TRPM6: variants seen among roughly 807,000 people sequenced by gnomAD.
TRPM6 encodes transient receptor potential cation channel subfamily M member 6, also known as channel kinase 2.
A neutral mutation model predicts 247.6 loss-of-function variants in TRPM6; 111 were observed. The ratio of observed to expected loss-of-function variants is 0.45; its 90% CI spans 0.38 to 0.52. The LOEUF (loss-of-function observed/expected upper bound fraction) is 0.52, where lower values mean the gene tolerates loss of function less well. Ranked by LOEUF, TRPM6 falls within the 20% of genes least tolerant of loss-of-function variation. The pLI is 0.00. For missense variants in TRPM6, 2,126 were observed against 2,421.5 expected (o/e 0.88, Z 2.56); for synonymous variants, 892 against 853.8 (o/e 1.04, Z -0.78).
chr9:74,761,022 A>T (rs776947408), intron 27 of TRPM6, among the ~76,000 whole-genome samples: 1 of 152,138 alleles, frequency 6.6e-6, no homozygotes, highest in Non-Finnish European at 1.5e-5. Context: ...TCCACCCTGG[A>T]CTTCCCAGCC....
intron 36 of TRPM6, among the ~76,000 whole-genome samples, chr9:74,734,512 T>G (rs980688982): frequency 2.6e-5 from 4 of 152,130 alleles, no homozygotes; most frequent in African/African-American, 9.7e-5. Flanking sequence ...TCCCTTAATC[T>G]CTTTGAACCT....
chr9:74,744,472 C>G lies in TRPM6; in HGVS notation c.5084-327G>C, dbSNP rs190381036. ...AGCTGCCCATCATACTTCACGACAT[C>G]CCAGAAGCATGATTCTCTGAGCTCC... On this transcript the variant is annotated intron_variant, in intron 31 of 38. Coordinates refer to ENST00000360774, the MANE Select transcript of TRPM6 (RefSeq NM_017662.5). 1.5e-4 allele frequency among the ~76,000 whole-genome samples: 23 copies of G among 152,228 alleles called. No individual in the cohort carries two copies. In the East Asian group the frequency reaches 2.9e-3, roughly 19 times the overall value.
rs797045204 is a variant in TRPM6 at position 74,782,398 on chromosome 9, T to C, written c.3173A>G (p.Tyr1058Cys). 3.1e-6 allele frequency: 5 copies of C among 1,614,070 alleles called. No homozygotes were observed. In the South Asian group the frequency reaches 5.5e-5, roughly 18 times the overall value. The part of the protein sequence containing the change: ...FLQAVYLFVQ[Y>C]IIMVNLLIAF... ...AATCAACAGGTTCACCATGATGATA[T>C]ATTGCACGAAGAGGTAGACAGCTTG... Residue 1058 changes from tyrosine to cysteine, a missense_variant, in exon 23 of 39, where the codon TAT becomes TGT. This residue lies in a region of TRPM6 where 1,082 missense variants were observed against 1,307.9 expected (regional missense o/e 0.83). Transcript: ENST00000360774.
At chr9:74,737,317 G>T in intron 36 of TRPM6, 1 of 1,246,162 alleles carries the variant, frequency 8.0e-7, no homozygotes. Context: ...CCTTGAGCAT[G>T]TGACACAAGT....
chr9:74,887,469 G>A (rs993741203), intron 1 of TRPM6: 11 of 1,001,270 alleles, frequency 1.1e-5, no homozygotes, highest in Non-Finnish European at 1.5e-5. Flanking sequence ...CTCCGGCCCG[G>A]AGCGGAATCA....
chr9:74,839,570 A>G (rs1032902346), intron 5 of TRPM6, among the ~76,000 whole-genome samples: 9 of 152,170 alleles, frequency 5.9e-5, no homozygotes, highest in Non-Finnish European at 1.0e-4. Context: ...ATGCACTTGC[A>G]TGGATTCGAT....
chr9:74,875,237 T>A (rs754261257), intron 1 of TRPM6: 24 of 455,680 alleles, frequency 5.3e-5, no homozygotes, highest in South Asian at 3.4e-4. Context: ...CAGCAACTCT[T>A]CCCTTCCATT....
rs376705580 is a variant in TRPM6, at chr9:74,887,825, T to C, written c.32A>G (p.Gln11Arg). ...GCCAGTCGAGCAGCCTGAGCTTACC[T>C]GCAAGCGCTCCAAGACAGGTTGTTC... MKEQPVLERLQSQKSWIKGVF... is the reference protein window; with the variant it reads MKEQPVLERLRSQKSWIKGVF... The change falls in exon 1 of 39, where the codon CAG (glutamine) becomes CGG (arginine). Residue 11 changes from glutamine to arginine, a missense_variant and splice_region_variant. Coordinates refer to ENST00000360774, the MANE Select transcript of TRPM6 (RefSeq NM_017662.5). 2 of 1,614,032 alleles carry C rather than the reference T, an allele frequency of 1.2e-6. No homozygotes were observed. Among genetic ancestry groups the C allele is most frequent in the African/African-American group, 2.7e-5 (2 of 74,908 alleles).
intron 14 of TRPM6, 27 bp downstream of exon 14, chr9:74,808,007 T>C: frequency 2.5e-6 from 4 of 1,613,590 alleles, no homozygotes; most frequent in Non-Finnish European, 3.4e-6. Context: ...TTCTCAATTT[T>C]ACTTGGGCAC....
chr9:74,858,202 CA>C (rs1830585407), intron 2 of TRPM6, among the ~76,000 whole-genome samples: 1 of 152,176 alleles, frequency 6.6e-6, no homozygotes. Context: ...TCCTGGCTAA[CA>C]CGGTGAAACC....
intron 28 of TRPM6, among the ~76,000 whole-genome samples, chr9:74,753,218 C>T (rs1332412152): frequency 6.6e-6 from 1 of 151,318 alleles, no homozygotes; most frequent in Non-Finnish European, 1.5e-5. Flanking sequence ...CTTTTTGTAG[C>T]TGGTACCTAC....
At chr9:74,853,231 G>T (rs1564051078) in intron 3 of TRPM6, among the ~76,000 whole-genome samples, 1 of 151,060 alleles carries the variant, frequency 6.6e-6, no homozygotes, top group Non-Finnish European at 1.5e-5. Context: ...CCCCATCGGG[G>T]AAGTGAGGAG....
chr9:74,748,795 T>C (rs1826135977), intron 30 of TRPM6, among the ~76,000 whole-genome samples: 1 of 152,174 alleles, frequency 6.6e-6, no homozygotes, highest in East Asian at 1.9e-4. Context: ...GTTAATTGGT[T>C]ATTTTAAAAA....
At chr9:74,815,063 G>A (rs555360544) in intron 11 of TRPM6, among the ~76,000 whole-genome samples, 2 of 152,102 alleles carry the variant, frequency 1.3e-5, no homozygotes, top group African/African-American at 2.4e-5. Flanking sequence ...AATATTAGAG[G>A]AGCAGTCCAT....
intron 23 of TRPM6, among the ~76,000 whole-genome samples, chr9:74,777,334 T>A (rs1488832992): frequency 6.6e-6 from 1 of 152,166 alleles, no homozygotes; most frequent in Non-Finnish European, 1.5e-5. Context: ...TAAAGAATTG[T>A]CTGTAACCAG....
Position 74,762,311 on chromosome 9 carries a change from T to G in TRPM6, c.4360A>C (p.Asn1454His), listed in dbSNP as rs149599181. Residue 1454 changes from asparagine (N) to histidine (H), a missense_variant, in exon 26 of 39, where the codon AAC (asparagine) becomes CAC (histidine). By Grantham distance (68) the Asn-to-His change is moderately conservative. Transcript: ENST00000360774. ...KIMQTGGGYV[N>H]WAFSEGDETG... is the part of the protein sequence containing the mutation. ...TCATCACCTTCTGAAAATGCCCAGT[T>G]TACATATCCACCTCCAGTTTGCATG... The G allele has an allele frequency of 6.2e-7, 1 of 1,614,130 alleles. No homozygotes were observed. The highest frequency in any genetic ancestry group is 1.3e-5 in the African/African-American group (1 of 74,942).
intron 1 of TRPM6, among the ~76,000 whole-genome samples, chr9:74,878,601 C>A (rs909566337): frequency 6.6e-6 from 1 of 152,120 alleles, no homozygotes; most frequent in Admixed American, 6.5e-5. Context: ...ACCTAAACAC[C>A]GCCACATAAA....
chr9:74,852,458 T>C (rs1830359793), intron 3 of TRPM6, among the ~76,000 whole-genome samples: 1 of 146,886 alleles, frequency 6.8e-6, no homozygotes, highest in African/African-American at 2.6e-5. Flanking sequence ...CTCCTCCCTC[T>C]CCCTCTCCCT....
At chr9:74,809,987 A>AAC (rs1554712305) in intron 13 of TRPM6, among the ~76,000 whole-genome samples, 32 of 147,518 alleles carry the variant, frequency 2.2e-4, no homozygotes, top group Non-Finnish European at 3.7e-4. Context: ...AAAAAAAAAA[A>AAC]AAAAAAAAAA....
Sources: gnomAD v4.1 joint callset for allele counts (sites outside exome capture counted in the v4.1 genomes callset) on GRCh38, gnomAD v4.1.1 for gene constraint, gnomAD v4.1.1 regional missense constraint, MANE v1.5 for transcripts, NCBI Gene and HGNC (gene_info 2026-07-23, HGNC 2026-07-21) for gene names.